PTPRQ: variants seen among roughly 807,000 people sequenced by gnomAD.
PTPRQ encodes phosphatidylinositol phosphatase PTPRQ.
A neutral mutation model predicts 246.0 loss-of-function variants in PTPRQ; 199 were observed. That is an observed-to-expected ratio of 0.81 (90% confidence interval 0.72 to 0.91). The LOEUF is 0.91. PTPRQ is among the 40% of genes least tolerant of loss of function. PTPRQ has a pLI of 0.00. For missense variants in PTPRQ, 2,624 were observed against 2,528.4 expected, an observed-to-expected ratio of 1.04 and a Z score of -0.81; for synonymous variants, 869 against 853.2, an observed-to-expected ratio of 1.02 and a Z score of -0.32.
rs74626415 is a variant in PTPRQ, at chr12:80,476,544, G to A, written c.1186+4293G>A. ...GACAAAGGAAAAAACTCAATCTATT[G>A]GATGAAAACTTTGTATAGTCATAGT... On this transcript the variant is annotated intron_variant, in intron 8 of 44. Transcript: ENST00000644991. Among the ~76,000 whole-genome samples the A allele has an allele frequency of 5.8e-3, 886 of 152,144 alleles. 10 individuals carry two copies. Among genetic ancestry groups the A allele is most frequent in the African/African-American group, 0.021 (860 of 41,534 alleles).
At chr12:80,497,522 C>T (rs974956400) in intron 14 of PTPRQ, among the ~76,000 whole-genome samples, 8 of 151,948 alleles carry the variant, frequency 5.3e-5, no homozygotes, top group Non-Finnish European at 8.8e-5. Flanking sequence ...GGTACTAGTC[C>T]GTGGCGCTGG....
At chr12:80,460,628 C>G (rs777666031) in intron 5 of PTPRQ, 25 bp from the exon 6 acceptor site, 15 of 398,270 alleles carry the variant, frequency 3.8e-5, no homozygotes, top group Non-Finnish European at 6.2e-5. Context: ...CATTATTTCT[C>G]TATTGATCTT....
intron 30 of PTPRQ, among the ~76,000 whole-genome samples, chr12:80,616,961 C>T (rs750059392): frequency 6.6e-6 from 1 of 151,042 alleles, no homozygotes; most frequent in Non-Finnish European, 1.5e-5. Context: ...GTAATAAAAC[C>T]TTCAGAGAGG....
At chr12:80,534,825 TTCAGGCCATTTCAGACATTAC>T in intron 18 of PTPRQ, 46 bp from the exon 19 acceptor site, 2 of 1,479,484 alleles carry the variant, frequency 1.4e-6, no homozygotes, top group Non-Finnish European at 1.8e-6. Context: ...GTAGGTAAAA[TTCAGGCCATTTCAGACATTAC>T]TTGTAAACAC....
chr12:80,469,258 G>A (rs1248389667), intron 7 of PTPRQ, among the ~76,000 whole-genome samples: 1 of 152,052 alleles, frequency 6.6e-6, no homozygotes. Context: ...AAATAACATG[G>A]AAAATCTCTG....
chr12:80,454,981 G>T (rs1198062196), intron 3 of PTPRQ, among the ~76,000 whole-genome samples: 3 of 152,140 alleles, frequency 2.0e-5, no homozygotes, highest in Non-Finnish European at 4.4e-5. Flanking sequence ...AGACCAGCCT[G>T]GCCAATATGG....
At chr12:80,542,493 A>G (rs1212017364) in intron 22 of PTPRQ, 129 bp downstream of exon 22, 4 of 1,364,496 alleles carry the variant, frequency 2.9e-6, no homozygotes, top group Non-Finnish European at 3.8e-6. Context: ...CATTATATTT[A>G]CTTTGTTGAT....
intron 34 of PTPRQ, 130 bp from the exon 35 acceptor site, chr12:80,634,815 A>G (rs1432550935): frequency 7.5e-7 from 1 of 1,337,798 alleles, no homozygotes; most frequent in African/African-American, 1.5e-5. Flanking sequence ...TAAATTTGCA[A>G]CATATTCAGA....
intron 17 of PTPRQ, among the ~76,000 whole-genome samples, chr12:80,519,812 G>T (rs977815641): frequency 6.6e-6 from 1 of 152,074 alleles, no homozygotes; most frequent in African/African-American, 2.4e-5. Context: ...ACCAGTCCAT[G>T]GTCAGTGGTC....
intron 25 of PTPRQ, among the ~76,000 whole-genome samples, chr12:80,585,799 T>A (rs1897594522): frequency 6.6e-6 from 1 of 151,320 alleles, no homozygotes; most frequent in African/African-American, 2.4e-5. Context: ...TAGTTACATA[T>A]GTATACATGT....
chr12:80,635,428 A>G (rs1899609292), intron 35 of PTPRQ, among the ~76,000 whole-genome samples: 1 of 152,148 alleles, frequency 6.6e-6, no homozygotes. Flanking sequence ...TTTCAATCAC[A>G]GGTTTAAATT....
intron 19 of PTPRQ, among the ~76,000 whole-genome samples, chr12:80,536,188 CAT>C (rs1895983770): frequency 6.6e-6 from 1 of 152,176 alleles, no homozygotes; most frequent in African/African-American, 2.4e-5. Flanking sequence ...TTATTGACCA[CAT>C]GTTTGTGTCT....
intron 39 of PTPRQ, among the ~76,000 whole-genome samples, chr12:80,666,670 C>A (rs1463323339): frequency 6.6e-6 from 1 of 151,798 alleles, no homozygotes; most frequent in Non-Finnish European, 1.5e-5. Context: ...ACACTGTATT[C>A]CATAAAAATG....
At chr12:80,633,183 C>T (rs775280751) in intron 34 of PTPRQ, among the ~76,000 whole-genome samples, 1 of 152,204 alleles carries the variant, frequency 6.6e-6, no homozygotes, top group Non-Finnish European at 1.5e-5. Context: ...AAAGCAGAAG[C>T]TTTCAGGCCA....
intron 39 of PTPRQ, among the ~76,000 whole-genome samples, chr12:80,666,984 G>A (rs1183074756): frequency 6.6e-6 from 1 of 151,912 alleles, no homozygotes; most frequent in Admixed American, 6.6e-5. Context: ...GGAAGCCCAC[G>A]TGAAACTGTT....
At chr12:80,548,553 G>A (rs910312844) in intron 24 of PTPRQ, among the ~76,000 whole-genome samples, 9 of 152,092 alleles carry the variant, frequency 5.9e-5, no homozygotes, top group South Asian at 2.1e-4. Flanking sequence ...CAGGTAGAGC[G>A]GTGTAGGCAG....
chr12:80,607,431 TTTCCTTCC>T (rs57625204), intron 27 of PTPRQ, among the ~76,000 whole-genome samples: 30 of 139,376 alleles, frequency 2.2e-4, no homozygotes, highest in Admixed American at 6.4e-4. Context: ...AGTAGAGGTA[TTTCCTTCC>T]TTCCTTCCTT....
rs568028783 is a variant in PTPRQ, at chr12:80,550,540, G to T, written c.4285+806G>T. Among the ~76,000 whole-genome samples the T allele has an allele frequency of 3.3e-5, 5 of 152,048 alleles. No individual in the cohort carries two copies. In the East Asian group the frequency reaches 7.7e-4, roughly 24 times the overall value. On this transcript the variant is annotated intron_variant, in intron 25 of 44. Coordinates refer to ENST00000644991, the MANE Select transcript of PTPRQ (RefSeq NM_001145026.2). ...CAGTGCAACATTTTTTCAGACTACG[G>T]TGTTTCCCTTTCCAGGATGGAATAG...
intron 3 of PTPRQ, among the ~76,000 whole-genome samples, chr12:80,455,213 G>A (rs1329477261): frequency 2.6e-5 from 4 of 152,040 alleles, no homozygotes; most frequent in Non-Finnish European, 5.9e-5. Context: ...GATAGCTTTT[G>A]CTCTTTGCAC....
Sources: gnomAD v4.1 joint callset for allele counts (sites outside exome capture counted in the v4.1 genomes callset) on GRCh38, gnomAD v4.1.1 for gene constraint, MANE v1.5 for transcripts, NCBI Gene and HGNC (gene_info 2026-07-23, HGNC 2026-07-21) for gene names.